Variants in RASSF3 observed in about 807,000 individuals in gnomAD.
RASSF3 encodes Ras association domain family member 3.
Under a neutral mutation model 19.9 loss-of-function variants are expected in RASSF3, and 19 were observed. The observed-to-expected ratio is 0.96, with a 90% CI of 0.67 to 1.40. RASSF3 has a LOEUF of 1.40. Ranked by LOEUF, RASSF3 falls within the 40% of genes most tolerant of loss-of-function variation. The pLI is 0.00. For synonymous variants in RASSF3, 110 were observed against 104.2 expected (o/e 1.06, Z -0.34); for missense variants, 306 against 289.8 (o/e 1.06, Z -0.41).
At chr12:64,542,960 G>A (rs1432656980), downstream of RASSF3, among the ~76,000 whole-genome samples, 2 of 152,180 alleles carry the variant, frequency 1.3e-5, no homozygotes, top group East Asian at 2.0e-4. Flanking sequence ...CCGGGGCTGC[G>A]CGCCAGCTAG....
intron 1 of RASSF3, among the ~76,000 whole-genome samples, chr12:64,678,656 A>AAAAAC (rs1032952873): frequency 6.7e-5 from 10 of 150,340 alleles, no homozygotes; most frequent in African/African-American, 2.5e-4. Flanking sequence ...ACCAAAAAAA[A>AAAAAC]AAAAAAAAAC....
At chr12:64,579,971 T>C (rs926463047) in intron 2 of RASSF3, among the ~76,000 whole-genome samples, 1 of 151,982 alleles carries the variant, frequency 6.6e-6, no homozygotes, top group Non-Finnish European at 1.5e-5. Context: ...TGCGCCACCA[T>C]GCCTGGCTAA....
At chr12:64,679,935 C>T (rs1253884162) in intron 1 of RASSF3, among the ~76,000 whole-genome samples, 1 of 152,212 alleles carries the variant, frequency 6.6e-6, no homozygotes, top group African/African-American at 2.4e-5. Context: ...CGCCCCATGC[C>T]ATTTCCTCTC....
chr12:64,598,073 T>C (rs1056774163), intron 2 of RASSF3, among the ~76,000 whole-genome samples: 2 of 151,882 alleles, frequency 1.3e-5, no homozygotes, highest in Non-Finnish European at 2.9e-5. Context: ...CAAGCCACCA[T>C]GCCCAGCTAA....
chr12:64,623,898 C>T (rs1870888545), intron 1 of RASSF3, among the ~76,000 whole-genome samples: 1 of 151,958 alleles, frequency 6.6e-6, no homozygotes, highest in Non-Finnish European at 1.5e-5. Flanking sequence ...ATCTGCCCGC[C>T]TCTGCCTCCC....
intron 2 of RASSF3, among the ~76,000 whole-genome samples, chr12:64,592,623 CTT>C (rs1869942771): frequency 2.0e-5 from 3 of 151,918 alleles, no homozygotes; most frequent in Admixed American, 1.3e-4. Flanking sequence ...AGTTGTCTAA[CTT>C]TTGTATTTTT....
At chr12:64,635,985 T>C (rs1024750699) in intron 1 of RASSF3, among the ~76,000 whole-genome samples, 3 of 152,232 alleles carry the variant, frequency 2.0e-5, no homozygotes, top group Non-Finnish European at 2.9e-5. Flanking sequence ...ATATTTCTTA[T>C]GAACATACTG....
intron 1 of RASSF3, among the ~76,000 whole-genome samples, chr12:64,533,978 G>C (rs1274374150): frequency 1.3e-5 from 2 of 152,184 alleles, no homozygotes; most frequent in African/African-American, 4.8e-5. Context: ...AAATATCAAG[G>C]CGGGACAATG....
intron 1 of RASSF3, among the ~76,000 whole-genome samples, chr12:64,621,430 G>A (rs1222800120): frequency 6.6e-6 from 1 of 152,088 alleles, no homozygotes; most frequent in East Asian, 1.9e-4. Flanking sequence ...CTGAACTTCA[G>A]GGTTTTTTTT....
chr12:64,692,021 G>A (rs1868294297), intron 4 of RASSF3, among the ~76,000 whole-genome samples: 1 of 152,126 alleles, frequency 6.6e-6, no homozygotes, highest in South Asian at 2.1e-4. Flanking sequence ...CTTTACCATG[G>A]AAGGCATTTA....
chr12:64,568,285 G>A (rs1173797252), intron 2 of RASSF3, among the ~76,000 whole-genome samples: 1 of 152,042 alleles, frequency 6.6e-6, no homozygotes, highest in African/African-American at 2.4e-5. Context: ...CACCTGCCTT[G>A]GCCTCCCAAA....
chr12:64,537,143 T>C (rs1868845173), intron 1 of RASSF3, among the ~76,000 whole-genome samples: 1 of 152,226 alleles, frequency 6.6e-6, no homozygotes, highest in African/African-American at 2.4e-5. Context: ...TCTCTCTGAC[T>C]TTTCCTTCTC....
chr12:64,669,775 C>T (rs1011632760), intron 1 of RASSF3, among the ~76,000 whole-genome samples: 3 of 150,688 alleles, frequency 2.0e-5, no homozygotes, highest in South Asian at 4.2e-4. Context: ...CTCCCAGCCT[C>T]GGGCTTCCTG....
At chr12:64,519,790 G>T (rs965386858) in intron 1 of RASSF3, among the ~76,000 whole-genome samples, 2 of 151,804 alleles carry the variant, frequency 1.3e-5, no homozygotes, top group African/African-American at 4.8e-5. Context: ...ATATAAACAC[G>T]TATATATGTG....
intron 2 of RASSF3, among the ~76,000 whole-genome samples, chr12:64,601,373 T>G (rs1156562813): frequency 6.6e-6 from 1 of 152,192 alleles, no homozygotes; most frequent in East Asian, 1.9e-4. Context: ...TACAAAATTG[T>G]TCGTGAGAGT....
At chr12:64,545,622 C>T (rs1869039760), downstream of RASSF3, among the ~76,000 whole-genome samples, 1 of 151,970 alleles carries the variant, frequency 6.6e-6, no homozygotes, top group Non-Finnish European at 1.5e-5. Context: ...GGTGAGAATC[C>T]CCTCATTTAA....
At position 64,610,591 on chromosome 12, in the gene RASSF3, T is replaced by C. The variant is rs369891224; in HGVS notation, c.-42T>C. 7 of 1,296,444 alleles carry C rather than the reference T, an allele frequency of 5.4e-6. No homozygotes were observed. The East Asian group carries it at 1.5e-4, about 27-fold the overall frequency. 80.3% of individuals were successfully genotyped at this position (1,296,444 alleles called of 1,614,324 possible). The stretch of plus-strand genomic sequence containing the variant: ...GCGCCGCACCCCCTCCCTGGCCGCC[T>C]GCGCCCCGGGGAGGCCGCCCGCGCG... On this transcript the variant is annotated 5_prime_UTR_variant, in exon 1 of 5. Transcript: ENST00000542104.
At chr12:64,641,914 G>T (rs1871548746) in intron 1 of RASSF3, among the ~76,000 whole-genome samples, 1 of 151,690 alleles carries the variant, frequency 6.6e-6, no homozygotes, top group Non-Finnish European at 1.5e-5. Flanking sequence ...GGCTAATTTT[G>T]TATCTTTAGT....
intron 1 of RASSF3, among the ~76,000 whole-genome samples, chr12:64,658,821 C>A (rs991177002): frequency 4.6e-5 from 7 of 152,160 alleles, no homozygotes; most frequent in African/African-American, 1.7e-4. Flanking sequence ...GTAATCCCAA[C>A]ACTTTGGGAG....
Sources: gnomAD v4.1 joint callset for allele counts (sites outside exome capture counted in the v4.1 genomes callset) on GRCh38, gnomAD v4.1.1 for gene constraint, MANE v1.5 for transcripts, NCBI Gene and HGNC (gene_info 2026-07-23, HGNC 2026-07-21) for gene names.